Variants in SERPINB7 observed in about 807,000 individuals in gnomAD.
SERPINB7 encodes serpin B7.
Under a neutral mutation model 37.4 loss-of-function variants are expected in SERPINB7, and 31 were observed. That is an observed-to-expected ratio of 0.83 (90% CI 0.62 to 1.12). The LOEUF (loss-of-function observed/expected upper bound fraction) is 1.12, where lower values mean the gene tolerates loss of function less well. Ranked by LOEUF, SERPINB7 falls within the 50% of genes most tolerant of loss-of-function variation. SERPINB7 has a pLI of 0.00. For missense variants in SERPINB7, 521 were observed against 455.3 expected (o/e 1.14, Z -1.31); for synonymous variants, 163 against 166.1 (o/e 0.98, Z 0.14).
At chr18:63,793,675 T>C (rs1296015764) in intron 4 of SERPINB7, among the ~76,000 whole-genome samples, 1 of 152,104 alleles carries the variant, frequency 6.6e-6, no homozygotes, top group African/African-American at 2.4e-5. Flanking sequence ...CAGCTAATTT[T>C]TTTGTTGTTG....
rs115367305 is a variant in SERPINB7, at chr18:63,788,758, C to T, written c.169-3635C>T. ...CATACAGTTTTTTACTATACCTTTTCTATTCTTAGATGTATTTAATACACA... is the reference window on the plus strand; with the variant it reads ...CATACAGTTTTTTACTATACCTTTTTTATTCTTAGATGTATTTAATACACA... On this transcript the variant is annotated intron_variant, in intron 2 of 7. Coordinates refer to ENST00000398019, the MANE Select transcript of SERPINB7 (RefSeq NM_003784.4). Among the ~76,000 whole-genome samples the T allele has an allele frequency of 5.5e-3, 840 of 152,302 alleles. 7 individuals carry two copies. Among genetic ancestry groups the T allele is most frequent in the African/African-American group, 0.019 (779 of 41,558 alleles).
At chr18:63,778,699 A>G (rs2049273772) in intron 1 of SERPINB7, among the ~76,000 whole-genome samples, 1 of 152,134 alleles carries the variant, frequency 6.6e-6, no homozygotes, top group East Asian at 1.9e-4. Flanking sequence ...GTTTAGTGAG[A>G]AAATATCTAT....
At chr18:63,762,734 C>G (rs1204402258) in intron 1 of SERPINB7, among the ~76,000 whole-genome samples, 1 of 152,144 alleles carries the variant, frequency 6.6e-6, no homozygotes, top group Non-Finnish European at 1.5e-5. Context: ...GTTTTTTAAT[C>G]TTTGACTTTC....
chr18:63,794,110 ATTTT>A (rs34450022), intron 4 of SERPINB7, among the ~76,000 whole-genome samples: 59 of 105,552 alleles, frequency 5.6e-4, no homozygotes, highest in African/African-American at 8.3e-4. Flanking sequence ...CATCCTGCTA[ATTTT>A]TTTTTTTTTT....
At chr18:63,759,540 T>TACC (rs2049140992) in intron 1 of SERPINB7, among the ~76,000 whole-genome samples, 1 of 152,162 alleles carries the variant, frequency 6.6e-6, no homozygotes, top group African/African-American at 2.4e-5. Context: ...TTTCTATTTG[T>TACC]TTTCTCCCTC....
intron 1 of SERPINB7, among the ~76,000 whole-genome samples, chr18:63,765,783 C>T (rs2049177610): frequency 6.6e-6 from 1 of 152,144 alleles, no homozygotes; most frequent in Non-Finnish European, 1.5e-5. Context: ...TCCTATTATT[C>T]TCTTTCTAGA....
chr18:63,789,458 T>A (rs1241713735), intron 2 of SERPINB7, among the ~76,000 whole-genome samples: 1 of 152,140 alleles, frequency 6.6e-6, no homozygotes, highest in African/African-American at 2.4e-5. Context: ...CTTATAGTAG[T>A]CCAAATAAAT....
At chr18:63,792,606 T>C (rs2049441335) in intron 3 of SERPINB7, among the ~76,000 whole-genome samples, 163 bp downstream of exon 3, 1 of 152,140 alleles carries the variant, frequency 6.6e-6, no homozygotes, top group Admixed American at 6.5e-5. Context: ...CTGCAAAATA[T>C]ACAAAAATTA....
chr18:63,774,688 A>G (rs1216534677), upstream of SERPINB7, among the ~76,000 whole-genome samples: 1 of 152,062 alleles, frequency 6.6e-6, no homozygotes, highest in Non-Finnish European at 1.5e-5. Context: ...TTCCATTGCC[A>G]GATCAGAAGG....
At chr18:63,775,740 A>T (rs1180663779) in intron 1 of SERPINB7, 24 bp downstream of exon 1, 1 of 152,128 alleles carries the variant, frequency 6.6e-6, no homozygotes, top group Non-Finnish European at 1.5e-5. Context: ...TGATTTGCTT[A>T]TCCAATTATT....
intron 1 of SERPINB7, among the ~76,000 whole-genome samples, chr18:63,759,998 G>GA (rs1000793394): frequency 3.4e-4 from 52 of 152,260 alleles, no homozygotes; most frequent in African/African-American, 1.3e-3. Context: ...GGGTGTTGCT[G>GA]AAAAAATACC....
intron 1 of SERPINB7, among the ~76,000 whole-genome samples, chr18:63,762,218 G>A (rs1023237953): frequency 1.3e-4 from 20 of 152,198 alleles, no homozygotes; most frequent in Non-Finnish European, 1.3e-4. Context: ...CAGTCAATGA[G>A]TGGATGAATG....
chr18:63,797,936 C>T (rs1244662332), intron 5 of SERPINB7, among the ~76,000 whole-genome samples: 1 of 152,190 alleles, frequency 6.6e-6, no homozygotes, highest in Admixed American at 6.5e-5. Flanking sequence ...TCTTCCTGCT[C>T]CCCACTGTTC....
chr18:63,759,966 C>T (rs562926371), intron 1 of SERPINB7, among the ~76,000 whole-genome samples: 13 of 152,122 alleles, frequency 8.5e-5, no homozygotes, highest in Non-Finnish European at 1.9e-4. Flanking sequence ...CAGACTAATA[C>T]AGTAAATTGG....
chr18:63,793,563 C>G (rs1287959513), intron 4 of SERPINB7, among the ~76,000 whole-genome samples: 1 of 152,056 alleles, frequency 6.6e-6, no homozygotes, highest in Non-Finnish European at 1.5e-5. Context: ...AGCAGTCAGC[C>G]CATTTAGGGG....
At chr18:63,784,414 C>A (rs894228765) in intron 2 of SERPINB7, among the ~76,000 whole-genome samples, 1 of 152,098 alleles carries the variant, frequency 6.6e-6, no homozygotes, top group African/African-American at 2.4e-5. Context: ...CCCTCAAAAG[C>A]AAAATCAGTC....
chr18:63,798,789 T>C (rs768349492), intron 6 of SERPINB7, 43 bp downstream of exon 6: 221 of 1,591,756 alleles, frequency 1.4e-4, no homozygotes, highest in Non-Finnish European at 1.8e-4. Flanking sequence ...TTTTCCACAA[T>C]CGTATTCCTT....
At chr18:63,796,887 T>C (rs192564524) in intron 5 of SERPINB7, among the ~76,000 whole-genome samples, 7 of 152,326 alleles carry the variant, frequency 4.6e-5, no homozygotes, top group African/African-American at 1.2e-4. Context: ...TTATTAAAGC[T>C]ATAACATTCT....
At chr18:63,783,223 AGAGAGAGAG>A (rs1568207798) in intron 2 of SERPINB7, among the ~76,000 whole-genome samples, 1,195 of 74,032 alleles carry the variant, frequency 0.016, 8 homozygotes, top group Admixed American at 0.02. Context: ...AGAGAGAGAG[AGAGAGAGAG>A]AGAAAGAAAG....
Sources: allele counts gnomAD v4.1 joint callset (sites outside exome capture counted in the v4.1 genomes callset), GRCh38; gene constraint gnomAD v4.1.1; transcripts MANE v1.5; gene names NCBI Gene and HGNC (gene_info 2026-07-23, HGNC 2026-07-21).